Variants in STEAP4 observed in about 807,000 individuals in gnomAD.
STEAP4 encodes the protein metalloreductase STEAP4.
Under a neutral mutation model 43.6 loss-of-function variants are expected in STEAP4, and 36 were observed. The ratio of observed to expected loss-of-function variants is 0.83; its 90% CI spans 0.63 to 1.09. STEAP4 has a LOEUF of 1.09. Ranked by LOEUF, STEAP4 falls within the 50% of genes least tolerant of loss-of-function variation. The pLI is 0.00. For missense variants in STEAP4, 495 were observed against 546.5 expected (o/e 0.91, Z 0.94); for synonymous variants, 191 against 196.7 (o/e 0.97, Z 0.24).
In STEAP4 at chr7:88,280,998, AC is replaced by A; in HGVS notation, c.1065del (p.Leu358CysfsTer32). ...SDSYVALGIL[G>X]FFLFVLLGIT... Reference sequence around the variant, plus strand: ...ATTCCCAAGAGTACAAACAGAAAAAACCCAAGTATTCCCAAAGCCACATATG... The same window carrying A: ...ATTCCCAAGAGTACAAACAGAAAAAACCAAGTATTCCCAAAGCCACATATG... On this transcript the variant is annotated frameshift_variant, in exon 4 of 5. Transcript: ENST00000380079. LOFTEE classifies it high-confidence loss of function. The A allele has an allele frequency of 6.2e-7, 1 of 1,613,312 alleles. No homozygotes were observed. Among genetic ancestry groups the A allele is most frequent in the Non-Finnish European group, 8.5e-7 (1 of 1,179,726 alleles).
At chr7:88,284,946 A>G (rs989404437) in intron 1 of STEAP4, among the ~76,000 whole-genome samples, 3 of 152,172 alleles carry the variant, frequency 2.0e-5, no homozygotes, top group Non-Finnish European at 4.4e-5. Flanking sequence ...ATTAGTAGAA[A>G]CATTTCCAAC....
At chr7:88,296,928 A>G (rs1852934003) in intron 1 of STEAP4, among the ~76,000 whole-genome samples, 1 of 152,186 alleles carries the variant, frequency 6.6e-6, no homozygotes, top group African/African-American at 2.4e-5. Flanking sequence ...CCCATAATAA[A>G]TGGCTTTTTC....
At chr7:88,305,391 AC>A (rs1436257919) in intron 1 of STEAP4, among the ~76,000 whole-genome samples, 7 of 152,186 alleles carry the variant, frequency 4.6e-5, no homozygotes, top group Admixed American at 2.6e-4. Context: ...AAAACTTGGG[AC>A]CTTGCAAAAG....
rs186244648 is a variant in STEAP4, at chr7:88,277,900, C to T, written c.*1498G>A. ...AAAAATAATAAAAAGGAAAACAAAG[C>T]CTTTAGAAAAACAAAGCCTTTGAAA... On this transcript the variant is annotated 3_prime_UTR_variant, in exon 5 of 5. Transcript: ENST00000380079. The T allele has an allele frequency of 6.6e-6, 1 of 151,312 alleles. No individual in the cohort carries two copies. The highest frequency in any genetic ancestry group is 1.5e-5 in the Non-Finnish European group (1 of 67,800). 9.4% of individuals were successfully genotyped at this position (151,312 alleles called of 1,614,324 possible). A position where few individuals can be genotyped will look rare whatever the true frequency, so the allele number is the denominator to read the frequency against.
chr7:88,294,215 T>G (rs1418498531), intron 1 of STEAP4, among the ~76,000 whole-genome samples: 2 of 152,092 alleles, frequency 1.3e-5, no homozygotes, highest in Non-Finnish European at 2.9e-5. Flanking sequence ...ACACCTGACT[T>G]TATGTGACGG....
rs1348829917 is a variant in STEAP4, at chr7:88,306,850, C to G, written c.-61G>C. The G allele has an allele frequency of 1.3e-5, 2 of 152,412 alleles. No homozygotes were observed. The highest frequency in any genetic ancestry group is 2.9e-5 in the Non-Finnish European group (2 of 68,202). The allele number at this position is 152,412 out of a possible 1,614,324, so 9.4% of individuals were successfully genotyped here. ...CAGCGCCAACGGTGCGCGCCGCGGG[C>G]CGGGCGGGTAGAGGGAAGTTTCGCC... On this transcript the variant is annotated 5_prime_UTR_variant, in exon 1 of 5. Coordinates refer to ENST00000380079, the MANE Select transcript of STEAP4 (RefSeq NM_024636.4).
At chr7:88,289,673 T>G (rs1357033567) in intron 1 of STEAP4, among the ~76,000 whole-genome samples, 1 of 152,134 alleles carries the variant, frequency 6.6e-6, no homozygotes, top group Non-Finnish European at 1.5e-5. Context: ...CCACAGAAAC[T>G]CTGAATAATC....
rs554998377 is a variant in STEAP4 at position 88,303,414 on chromosome 7, T to G, written c.-3+3378A>C. On this transcript the variant is annotated intron_variant, in intron 1 of 4. Transcript: ENST00000380079. ...AGGAGGCTGAGGCAGGAGAACTGCT[T>G]GAACCCAAGGAGCAGAGGTTGCAGT... Among the ~76,000 whole-genome samples the G allele has an allele frequency of 4.6e-5, 7 of 151,072 alleles. 1 individual carries two copies. The South Asian group carries it at 1.5e-3, about 32-fold the overall frequency.
Position 88,279,085 on chromosome 7 carries a change from C to A in STEAP4, c.*313G>T. 1 of 344,838 alleles carries A rather than the reference C, an allele frequency of 2.9e-6. No individual in the cohort carries two copies. The highest frequency in any genetic ancestry group is 5.5e-6 in the Non-Finnish European group (1 of 182,536). The allele number at this position is 344,838 out of a possible 1,614,324, so 21.4% of individuals were successfully genotyped here. ...GGATTTTGCAAGACATTAGGTCATGCATGTTGCCCATAACAAGGAAACTCT... is the reference window on the plus strand; with the variant it reads ...GGATTTTGCAAGACATTAGGTCATGAATGTTGCCCATAACAAGGAAACTCT... On this transcript the variant is annotated 3_prime_UTR_variant, in exon 5 of 5. Transcript: ENST00000380079.
In STEAP4 at chr7:88,275,437, C is replaced by G. The variant is rs1852499109; in HGVS notation, c.*3961G>C. The G allele has an allele frequency of 6.6e-6, 1 of 152,178 alleles. No homozygotes were observed. Among genetic ancestry groups the G allele is most frequent in the African/African-American group, 2.4e-5 (1 of 41,432 alleles). The allele number at this position is 152,178 out of a possible 1,614,324, so 9.4% of individuals were successfully genotyped here. ...CAGCCTCTATTGAAGATGGAGTCAC[C>G]TGGTCCAAATGCTTCTGATACATTG... is the stretch of plus-strand genomic sequence containing the variant. On this transcript the variant is annotated 3_prime_UTR_variant, in exon 5 of 5. Transcript: ENST00000380079.
intron 1 of STEAP4, among the ~76,000 whole-genome samples, chr7:88,303,184 TA>T (rs112528523): frequency 0.013 from 1,327 of 101,676 alleles, 24 homozygotes; most frequent in African/African-American, 0.037. Context: ...TAATCTGCAT[TA>T]AAAAAAAAAA....
chr7:88,301,134 G>A (rs1311317807), intron 1 of STEAP4, among the ~76,000 whole-genome samples: 1 of 152,148 alleles, frequency 6.6e-6, no homozygotes, highest in Non-Finnish European at 1.5e-5. Context: ...AGAGGCAACT[G>A]GCACACTTTC....
At chr7:88,297,844 G>A (rs1852950715) in intron 1 of STEAP4, among the ~76,000 whole-genome samples, 1 of 152,124 alleles carries the variant, frequency 6.6e-6, no homozygotes, top group Admixed American at 6.6e-5. Flanking sequence ...TGAAAACATT[G>A]TGACAGAAAT....
intron 1 of STEAP4, among the ~76,000 whole-genome samples, chr7:88,302,035 T>G (rs1248964128): frequency 1.3e-5 from 2 of 152,268 alleles, no homozygotes; most frequent in Non-Finnish European, 2.9e-5. Context: ...TTTCAACTAT[T>G]CACTTTATAT....
intron 1 of STEAP4, among the ~76,000 whole-genome samples, chr7:88,293,475 T>A (rs1367344915): frequency 6.6e-6 from 1 of 152,162 alleles, no homozygotes; most frequent in Non-Finnish European, 1.5e-5. Context: ...GATGTCCAAT[T>A]TATTTAATTT....
At position 88,277,574 on chromosome 7, in the gene STEAP4, T is replaced by C. The variant is rs1852533068; in HGVS notation, c.*1824A>G. 6.6e-6 allele frequency: 1 copy of C among 152,070 alleles called. No individual in the cohort carries two copies. Among genetic ancestry groups the C allele is most frequent in the Admixed American group, 6.5e-5 (1 of 15,268 alleles). The allele number at this position is 152,070 out of a possible 1,614,324, so 9.4% of individuals were successfully genotyped here. A position where few individuals can be genotyped will look rare whatever the true frequency, so the allele number is the denominator to read the frequency against. ...TGATATTATGCAGCCATTAAGAAAATATATTACGTAAGGCCAGATTCATGC... is the reference window on the plus strand; with the variant it reads ...TGATATTATGCAGCCATTAAGAAAACATATTACGTAAGGCCAGATTCATGC... On this transcript the variant is annotated 3_prime_UTR_variant, in exon 5 of 5. Transcript: ENST00000380079.
At chr7:88,298,098 G>A (rs917960693) in intron 1 of STEAP4, among the ~76,000 whole-genome samples, 6 of 152,034 alleles carry the variant, frequency 3.9e-5, no homozygotes, top group Non-Finnish European at 4.4e-5. Context: ...CCATTGTCAA[G>A]TAAAAAAATC....
In STEAP4 at chr7:88,283,844, G is replaced by A; in HGVS notation, c.426C>T (p.Leu142=). The A allele has an allele frequency of 6.2e-7, 1 of 1,613,976 alleles. No individual in the cohort carries two copies. The highest frequency in any genetic ancestry group is 8.5e-7 in the Non-Finnish European group (1 of 1,179,900). Residue 142 remains leucine, a synonymous_variant, in exon 2 of 5, where the codon CTC becomes CTT. Coordinates refer to ENST00000380079, the MANE Select transcript of STEAP4 (RefSeq NM_024636.4). Reference sequence around the variant, plus strand: ...GACTTGCATCCAGTGCTCCTGACTGGAGAGCCCAGGCTGAGATGGTGTTAA... The same window carrying A: ...GACTTGCATCCAGTGCTCCTGACTGAAGAGCCCAGGCTGAGATGGTGTTAA... ...KAFNTISAWA[L]QSGALDASRQ... is the part of the protein sequence containing the mutation.
chr7:88,296,833 A>C (rs2116010934), intron 1 of STEAP4, among the ~76,000 whole-genome samples: 1 of 152,252 alleles, frequency 6.6e-6, no homozygotes, highest in East Asian at 1.9e-4. Context: ...ATATTCTTTT[A>C]TTGGCAGGTA....
Sources: gnomAD v4.1 joint callset for allele counts (sites outside exome capture counted in the v4.1 genomes callset) on GRCh38, gnomAD v4.1.1 for gene constraint, MANE v1.5 for transcripts, NCBI Gene and HGNC (gene_info 2026-07-23, HGNC 2026-07-21) for gene names.